The following OR2T27 variants were observed in gnomAD, a reference collection of about 807,000 sequenced individuals.
OR2T27 encodes the protein olfactory receptor 2T27.
For missense variants in OR2T27, 152 were observed against 397.2 expected (o/e 0.38, Z 5.25); for synonymous variants, 51 against 152.9 (o/e 0.33, Z 4.92).
At chr1:248,655,392 G>A (rs1661096737) in intron 1 of OR2T27, 52 bp downstream of exon 1, 1 of 101,950 alleles carries the variant, frequency 9.8e-6, no homozygotes, top group Admixed American at 1.2e-4. Flanking sequence ...AGGAAGTCCA[G>A]AATCTATTTA....
intron 1 of OR2T27, among the ~76,000 whole-genome samples, chr1:248,653,249 T>C (rs2103116798): frequency 7.3e-6 from 1 of 136,636 alleles, no homozygotes; most frequent in South Asian, 2.7e-4. Flanking sequence ...CCATAACCAC[T>C]CAGATTTTAC....
At chr1:248,650,915 C>T (rs202080638) in intron 1 of OR2T27, 27 bp from the exon 2 acceptor site, 128,223 of 1,118,132 alleles carry the variant, frequency 0.11, 5,756 homozygotes, top group African/African-American at 0.33. Context: ...AGAGATATGA[C>T]AAAGTTGGAA....
intron 1 of OR2T27, chr1:248,651,577 C>T (rs1399290869): frequency 1.9e-5 from 1 of 53,822 alleles, no homozygotes; most frequent in African/African-American, 3.4e-5. Context: ...AGCAAACTAC[C>T]AATTATTAAC....
rs1286458955 is a variant in OR2T27 at position 248,650,471 on chromosome 1, G to A, written c.414C>T (p.Arg138=). The A allele has an allele frequency of 4.5e-6, 7 of 1,557,830 alleles. 1 individual carries two copies. Among genetic ancestry groups the A allele is most frequent in the South Asian group, 2.3e-5 (2 of 86,812 alleles). The change falls in exon 2 of 2, where the codon CGC becomes CGT. Residue 138 remains arginine, a synonymous_variant. Coordinates refer to ENST00000460972, the MANE Select transcript of OR2T27 (RefSeq NM_001001824.2). ...NPLHYPVLMS[R]KICWLIVAAA... Reference sequence around the variant, plus strand: ...CCGCCACAATCAACCAGCAGATCTTGCGGCTCATGAGGACAGGATAGTGCA... The same window carrying A: ...CCGCCACAATCAACCAGCAGATCTTACGGCTCATGAGGACAGGATAGTGCA...
At chr1:248,651,974 G>A (rs1468436615) in intron 1 of OR2T27, among the ~76,000 whole-genome samples, 1 of 150,734 alleles carries the variant, frequency 6.6e-6, no homozygotes, top group African/African-American at 2.4e-5. Flanking sequence ...GGATAATATA[G>A]ATTAAAATTA....
At chr1:248,652,479 G>A (rs146878000) in intron 1 of OR2T27, among the ~76,000 whole-genome samples, 13 of 129,446 alleles carry the variant, frequency 1.0e-4, no homozygotes, top group African/African-American at 2.3e-4. Flanking sequence ...ATTCTGAAAG[G>A]CCCTGAAAGA....
Position 248,649,962 on chromosome 1 carries a change from C to A in OR2T27, c.923G>T (p.Cys308Phe), listed in dbSNP as rs1364380898. The A allele has an allele frequency of 4.4e-6, 7 of 1,578,300 alleles. No homozygotes were observed. In the Admixed American group the frequency reaches 1.2e-4, roughly 27 times the overall value. The change falls in exon 2 of 2, where the codon TGT (cysteine) becomes TTT (phenylalanine). Residue 308 changes from cysteine to phenylalanine, a missense_variant. Transcript: ENST00000460972. Reference protein sequence around the residue: ...TGALQKVVGRCVSSGKVTTF With the variant: ...TGALQKVVGRFVSSGKVTTF Reference sequence around the variant, plus strand: ...AGTGGTTACCTTTCCTGAGGACACACACCTCCCCACAACCTTCTGTAGGGC... The same window carrying A: ...AGTGGTTACCTTTCCTGAGGACACAAACCTCCCCACAACCTTCTGTAGGGC...
chr1:248,653,454 TTTCCC>T (rs2103116941), intron 1 of OR2T27, among the ~76,000 whole-genome samples: 1 of 139,828 alleles, frequency 7.2e-6, no homozygotes, highest in Admixed American at 7.3e-5. Context: ...TTAGCACATC[TTTCCC>T]AGTCTTTATA....
intron 1 of OR2T27, among the ~76,000 whole-genome samples, chr1:248,652,199 T>C (rs1299679721): frequency 3.8e-4 from 58 of 151,920 alleles, no homozygotes; most frequent in African/African-American, 1.4e-3. Flanking sequence ...ATTAGAAAAA[T>C]GGCTTTACTT....
chr1:248,653,428 T>C (rs1661061392), intron 1 of OR2T27, among the ~76,000 whole-genome samples: 1 of 142,128 alleles, frequency 7.0e-6, no homozygotes, highest in Non-Finnish European at 1.6e-5. Flanking sequence ...CGTCCAGTTC[T>C]ATGTATACCT....
chr1:248,653,064 G>T (rs1448636618), intron 1 of OR2T27, among the ~76,000 whole-genome samples: 1 of 98,564 alleles, frequency 1.0e-5, no homozygotes, highest in African/African-American at 2.8e-5. Flanking sequence ...GACTGCTATT[G>T]GTCCACTGGG....
chr1:248,652,589 G>A (rs149017970), intron 1 of OR2T27, among the ~76,000 whole-genome samples: 7,165 of 99,802 alleles, frequency 0.072, 735 homozygotes, highest in African/African-American at 0.2. Context: ...GACCTCAGCA[G>A]GTTTGACTTA....
intron 1 of OR2T27, among the ~76,000 whole-genome samples, chr1:248,653,169 A>G (rs1661056344): frequency 1.4e-5 from 2 of 144,076 alleles, no homozygotes; most frequent in East Asian, 4.4e-4. Context: ...CTGGCCCTGA[A>G]ACTTGCTAAT....
intron 1 of OR2T27, among the ~76,000 whole-genome samples, chr1:248,653,044 C>T (rs1661053632): frequency 1.5e-5 from 1 of 68,912 alleles, no homozygotes; most frequent in Non-Finnish European, 4.2e-5. Flanking sequence ...TACTGGGGAC[C>T]AGCCACAGTG....
In OR2T27 at chr1:248,655,509, G is replaced by T. The variant is rs1199347381; in HGVS notation, c.-70C>A. 4 of 94,748 alleles carry T rather than the reference G, an allele frequency of 4.2e-5. No individual in the cohort carries two copies. Among genetic ancestry groups the T allele is most frequent in the African/African-American group, 1.1e-4 (4 of 35,268 alleles). The allele number at this position is 94,748 out of a possible 1,614,324, so 5.9% of individuals were successfully genotyped here. ...TAGAGAGAAACCTTACAGAACTAAG[G>T]TAGTACATGCAATTGTTCAGCATTT... is the stretch of plus-strand genomic sequence containing the variant. On this transcript the variant is annotated 5_prime_UTR_variant, in exon 1 of 2. An upstream open reading frame in the 5' UTR gains an earlier in-frame stop. Coordinates refer to ENST00000460972, the MANE Select transcript of OR2T27 (RefSeq NM_001001824.2).
At chr1:248,651,462 A>G (rs576374826) in intron 1 of OR2T27, 1 of 70,710 alleles carries the variant, frequency 1.4e-5, no homozygotes, top group African/African-American at 2.8e-5. Context: ...GCCTGTGTTG[A>G]ATAAAAAGAG....
In OR2T27 at chr1:248,649,847, C is replaced by G; in HGVS notation, c.*84G>C. 1.0e-6 allele frequency: 1 copy of G among 964,078 alleles called. No individual in the cohort carries two copies. Among genetic ancestry groups the G allele is most frequent in the Non-Finnish European group, 1.6e-6 (1 of 617,586 alleles). 59.7% of individuals were successfully genotyped at this position (964,078 alleles called of 1,614,324 possible). The stretch of plus-strand genomic sequence containing the variant: ...TTGGTGGCATGTGGGTCACTTGTTT[C>G]CAGGCAGAGAATATTTAAATTCAAG... On this transcript the variant is annotated 3_prime_UTR_variant, in exon 2 of 2. Transcript: ENST00000460972.
rs1403260359 is a variant in OR2T27, at chr1:248,649,842, T to G, written c.*89A>C. 7.5e-6 allele frequency: 7 copies of G among 930,540 alleles called. No individual in the cohort carries two copies. Among genetic ancestry groups the G allele is most frequent in the Non-Finnish European group, 1.2e-5 (7 of 589,568 alleles). The allele number at this position is 930,540 out of a possible 1,614,324, so 57.6% of individuals were successfully genotyped here. A position where few individuals can be genotyped will look rare whatever the true frequency, so the allele number is the denominator to read the frequency against. On this transcript the variant is annotated 3_prime_UTR_variant, in exon 2 of 2. Transcript: ENST00000460972. ...CACAGTTGGTGGCATGTGGGTCACT[T>G]GTTTCCAGGCAGAGAATATTTAAAT... is the stretch of plus-strand genomic sequence containing the variant.
chr1:248,653,452 T>C (rs1175596803), intron 1 of OR2T27, among the ~76,000 whole-genome samples: 1 of 139,800 alleles, frequency 7.2e-6, no homozygotes, highest in African/African-American at 2.5e-5. Flanking sequence ...AATTAGCACA[T>C]CTTTCCCAGT....
Sources: gnomAD v4.1 joint callset for allele counts (sites outside exome capture counted in the v4.1 genomes callset) on GRCh38, gnomAD v4.1.1 for gene constraint, MANE v1.5 for transcripts, NCBI Gene and HGNC (gene_info 2026-07-23, HGNC 2026-07-21) for gene names.